Variants in CTNNA3 observed in about 807,000 individuals in gnomAD.
The protein encoded by CTNNA3 is catenin alpha-3.
A neutral mutation model predicts 95.7 loss-of-function variants in CTNNA3; 76 were observed. The ratio of observed to expected loss-of-function variants is 0.79; its 90% CI spans 0.66 to 0.96. CTNNA3 has a LOEUF of 0.96. CTNNA3 is among the 40% of genes least tolerant of loss of function. The pLI is 0.00. For missense variants in CTNNA3, 1,191 were observed against 1,089.8 expected (o/e 1.09, Z -1.31); for synonymous variants, 431 against 374.4 (o/e 1.15, Z -1.74).
chr10:67,387,936 T>C (rs995565274), intron 5 of CTNNA3, among the ~76,000 whole-genome samples: 9 of 151,770 alleles, frequency 5.9e-5, no homozygotes, highest in African/African-American at 2.2e-4. Flanking sequence ...AGACCAAAAG[T>C]AGATAAAACC....
chr10:66,950,274 T>C (rs1342574469), intron 7 of CTNNA3, among the ~76,000 whole-genome samples: 6 of 152,162 alleles, frequency 3.9e-5, no homozygotes, highest in Non-Finnish European at 8.8e-5. Context: ...TCTATAGCCA[T>C]TAAAATTTTC....
intron 2 of CTNNA3, among the ~76,000 whole-genome samples, chr10:67,619,048 C>A (rs553081337): frequency 2.0e-5 from 3 of 152,184 alleles, no homozygotes; most frequent in Non-Finnish European, 4.4e-5. Flanking sequence ...CAATATTGAA[C>A]CTTCCATAAC....
At chr10:67,744,056 C>T (rs1463737362) in intron 1 of CTNNA3, among the ~76,000 whole-genome samples, 2 of 151,054 alleles carry the variant, frequency 1.3e-5, no homozygotes, top group African/African-American at 2.4e-5. Context: ...AGAATCAATA[C>T]CATGAAAATG....
chr10:66,182,264 T>TC (rs1172772129), intron 13 of CTNNA3, among the ~76,000 whole-genome samples: 1 of 151,226 alleles, frequency 6.6e-6, no homozygotes, highest in Admixed American at 6.6e-5. Flanking sequence ...TTCTTTTTTT[T>TC]TTTTTTTTTG....
intron 12 of CTNNA3, among the ~76,000 whole-genome samples, chr10:66,374,998 C>T (rs1373262343): frequency 2.0e-5 from 3 of 151,922 alleles, no homozygotes; most frequent in African/African-American, 7.3e-5. Flanking sequence ...TGAGTTGGCA[C>T]GTCCCTTAAG....
chr10:66,597,546 ATATATATATT>A (rs1166280511), intron 10 of CTNNA3, among the ~76,000 whole-genome samples: 2 of 125,296 alleles, frequency 1.6e-5, no homozygotes, highest in African/African-American at 5.9e-5. Context: ...ATATATATAT[ATATATATATT>A]TATTAAAAAT....
chr10:66,614,694 C>T (rs750295071), intron 10 of CTNNA3, among the ~76,000 whole-genome samples: 1 of 151,970 alleles, frequency 6.6e-6, no homozygotes, highest in Admixed American at 6.6e-5. Flanking sequence ...TTAGCCCTGT[C>T]AGGTTATTGG....
chr10:67,230,193 A>G (rs1865122219), intron 5 of CTNNA3, among the ~76,000 whole-genome samples: 1 of 152,228 alleles, frequency 6.6e-6, no homozygotes, highest in Non-Finnish European at 1.5e-5. Flanking sequence ...CTCATCTTTC[A>G]CAAAGCAAAC....
At chr10:66,459,134 A>G (rs1218909862) in intron 11 of CTNNA3, among the ~76,000 whole-genome samples, 2 of 152,194 alleles carry the variant, frequency 1.3e-5, no homozygotes, top group African/African-American at 4.8e-5. Context: ...AACAAAGATG[A>G]AGACTTTTGA....
chr10:66,736,814 T>G (rs1483649245), intron 9 of CTNNA3, among the ~76,000 whole-genome samples: 1 of 152,098 alleles, frequency 6.6e-6, no homozygotes, highest in African/African-American at 2.4e-5. Context: ...AATTTTTGAG[T>G]TTTCAAATAG....
At chr10:66,520,975 A>G (rs1841046946) in intron 10 of CTNNA3, among the ~76,000 whole-genome samples, 2 of 151,310 alleles carry the variant, frequency 1.3e-5, no homozygotes, top group Admixed American at 1.3e-4. Flanking sequence ...CATTCATGTT[A>G]AACATAAAAA....
chr10:66,005,525 C>T (rs933831376), intron 15 of CTNNA3, among the ~76,000 whole-genome samples: 21 of 152,018 alleles, frequency 1.4e-4, no homozygotes, highest in Non-Finnish European at 2.6e-4. Context: ...CAATTCATAT[C>T]GAAGGTGGGT....
intron 14 of CTNNA3, 136 bp downstream of exon 14, chr10:66,103,021 C>T (rs2133744370): frequency 1.5e-6 from 1 of 689,034 alleles, no homozygotes; most frequent in Non-Finnish European, 2.6e-6. Context: ...AATGCTAAGG[C>T]TTTTCTCCAT....
At chr10:66,333,488 C>T (rs2092356371) in intron 12 of CTNNA3, among the ~76,000 whole-genome samples, 1 of 151,862 alleles carries the variant, frequency 6.6e-6, no homozygotes, top group African/African-American at 2.4e-5. Context: ...CGTTATGTAC[C>T]CAGTAGTCAT....
intron 7 of CTNNA3, among the ~76,000 whole-genome samples, chr10:67,012,562 T>C (rs1852405019): frequency 6.6e-6 from 1 of 152,190 alleles, no homozygotes; most frequent in African/African-American, 2.4e-5. Flanking sequence ...TTCTTTTTCA[T>C]CTTAGAAAAC....
chr10:67,492,915 A>G (rs1473629790), intron 5 of CTNNA3, among the ~76,000 whole-genome samples: 1 of 152,202 alleles, frequency 6.6e-6, no homozygotes, highest in Non-Finnish European at 1.5e-5. Context: ...CTCATATTGA[A>G]ATAAGAGAGG....
chr10:66,203,267 T>C (rs945942332), intron 13 of CTNNA3, among the ~76,000 whole-genome samples: 2 of 152,142 alleles, frequency 1.3e-5, no homozygotes, highest in Non-Finnish European at 2.9e-5. Flanking sequence ...TCAATCCCCA[T>C]TTAGAGAACA....
At chr10:66,228,591 T>G (rs2089437691) in intron 13 of CTNNA3, among the ~76,000 whole-genome samples, 1 of 152,136 alleles carries the variant, frequency 6.6e-6, no homozygotes, top group South Asian at 2.1e-4. Context: ...AACTTTGTGC[T>G]GATGAGAACA....
intron 10 of CTNNA3, among the ~76,000 whole-genome samples, chr10:66,602,632 G>C (rs925508685): frequency 1.3e-5 from 2 of 151,772 alleles, no homozygotes; most frequent in Non-Finnish European, 2.9e-5. Flanking sequence ...ACACCAGAGA[G>C]ACTCAACAAA....
Sources: allele counts gnomAD v4.1 joint callset (sites outside exome capture counted in the v4.1 genomes callset), GRCh38; gene constraint gnomAD v4.1.1; transcripts MANE v1.5; gene names NCBI Gene and HGNC (gene_info 2026-07-23, HGNC 2026-07-21).